The following KRT5 variants were observed in gnomAD, a reference collection of about 807,000 sequenced individuals.
KRT5 encodes keratin 5, also known as keratin, type II cytoskeletal 5.
A neutral mutation model predicts 44.0 loss-of-function variants in KRT5; 17 were observed. That is an observed-to-expected ratio of 0.39 (90% CI 0.26 to 0.58). The LOEUF (loss-of-function observed/expected upper bound fraction) is 0.58, where lower values mean the gene tolerates loss of function less well. Among genes scored for constraint, KRT5 ranks in the 20% least tolerant of loss-of-function variants. KRT5 has a pLI of 0.61. For missense variants in KRT5, 737 were observed against 785.5 expected (o/e 0.94, Z 0.74); for synonymous variants, 329 against 312.8 (o/e 1.05, Z -0.55).
intron 1 of KRT5, 179 bp downstream of exon 1, chr12:52,519,563 T>G: frequency 1.4e-6 from 1 of 736,450 alleles, no homozygotes; most frequent in South Asian, 1.6e-5. Flanking sequence ...AATTCTCCCT[T>G]CCCAGCTGCC....
At chr12:52,516,479 G>A in intron 7 of KRT5, 158 bp downstream of exon 7, 1 of 773,570 alleles carries the variant, frequency 1.3e-6, no homozygotes, top group Non-Finnish European at 2.2e-6. Context: ...GTGAGTTGAG[G>A]TCAGCTATAT....
At chr12:52,516,409 C>T (rs961464023) in intron 7 of KRT5, 5 of 573,132 alleles carry the variant, frequency 8.7e-6, no homozygotes, top group African/African-American at 7.5e-5. Flanking sequence ...CTGAGTTGCT[C>T]AGGTGCTTGG....
Position 52,514,855 on chromosome 12 carries a change from A to G in KRT5, c.*87T>C. 8.4e-7 allele frequency: 1 copy of G among 1,194,376 alleles called. No individual in the cohort carries two copies. Among genetic ancestry groups the G allele is most frequent in the Middle Eastern group, 2.5e-4 (1 of 3,984 alleles). The allele number at this position is 1,194,376 out of a possible 1,614,324, so 74.0% of individuals were successfully genotyped here. On this transcript the variant is annotated 3_prime_UTR_variant, in exon 9 of 9. Transcript: ENST00000252242. ...TCTAGACTACTCTCCAGAAAAGGAT[A>G]AAACATGGCTTGAGCAACTGCCTAG...
At position 52,515,836 on chromosome 12, in the gene KRT5, A is replaced by G. The variant is rs1189019234; in HGVS notation, c.1440-4T>C. 6.2e-7 allele frequency: 1 copy of G among 1,612,710 alleles called. No homozygotes were observed. On this transcript the variant is annotated splice_region_variant and splice_polypyrimidine_tract_variant and intron_variant, in intron 7 of 8. Transcript: ENST00000252242. ...TCCAACTCCTTCTCCACTGAGTCTG[A>G]AAGGGGAAAAATTGAATTAAGGGTT...
Position 52,515,238 on chromosome 12 carries a change from C to T in KRT5, c.1477G>A (p.Val493Ile). Reference protein sequence around the residue: ...GEGVGPVNISVVTSSVSSGYG... With the variant: ...GEGVGPVNISIVTSSVSSGYG... ...CCAGAGGAAACACTGCTTGTGACAA[C>T]AGCTGCAGGGAAAGGAGGGAGGACT... The change falls in exon 9 of 9, where the codon GTT becomes ATT. Residue 493 changes from valine (V) to isoleucine (I), a missense_variant and splice_region_variant. By Grantham distance (29) the Val-to-Ile change is conservative. This residue lies in a region of KRT5 where 344 missense variants were observed against 351.6 expected (regional missense o/e 0.98). Coordinates refer to ENST00000252242, the MANE Select transcript of KRT5 (RefSeq NM_000424.4). The T allele has an allele frequency of 6.2e-7, 1 of 1,606,424 alleles. No homozygotes were observed. The highest frequency in any genetic ancestry group is 8.5e-7 in the Non-Finnish European group (1 of 1,179,942).
Position 52,516,620 on chromosome 12 carries a change from T to C in KRT5, c.1439+17A>G. 1 of 1,613,282 alleles carries C rather than the reference T, an allele frequency of 6.2e-7. No individual in the cohort carries two copies. On this transcript the variant is annotated intron_variant, in intron 7 of 8. Transcript: ENST00000252242. ...TTATCAGCTGAAGGCCATCTTGAGTTCATGCTGTCTACTCACCTGCATTCC... is the reference window on the plus strand; with the variant it reads ...TTATCAGCTGAAGGCCATCTTGAGTCCATGCTGTCTACTCACCTGCATTCC...
Position 52,515,837 on chromosome 12 carries a change from A to T in KRT5, c.1440-5T>A. On this transcript the variant is annotated splice_region_variant and splice_polypyrimidine_tract_variant and intron_variant, in intron 7 of 8. Transcript: ENST00000252242. ...CCAACTCCTTCTCCACTGAGTCTGAAAGGGGAAAAATTGAATTAAGGGTTA... is the reference window on the plus strand; with the variant it reads ...CCAACTCCTTCTCCACTGAGTCTGATAGGGGAAAAATTGAATTAAGGGTTA... The T allele has an allele frequency of 6.2e-7, 1 of 1,612,730 alleles. No homozygotes were observed.
chr12:52,515,095 G>T lies in KRT5; in HGVS notation c.1620C>A (p.Val540=). 6.2e-7 allele frequency: 1 copy of T among 1,604,128 alleles called. No homozygotes were observed. The highest frequency in any genetic ancestry group is 8.5e-7 in the Non-Finnish European group (1 of 1,176,016). The change falls in exon 9 of 9, where the codon GTC becomes GTA. Residue 540 remains valine, a synonymous_variant. Transcript: ENST00000252242. ...GSYYSSSSGG[V]GLGGGLSVGG... Reference sequence around the variant, plus strand: ...CCACACTGAGCCCACCACCTAGGCCGACACCCCCACTGCTGCTGGAGTAGT... The same window carrying T: ...CCACACTGAGCCCACCACCTAGGCCTACACCCCCACTGCTGCTGGAGTAGT...
chr12:52,516,111 C>T (rs765336153), intron 7 of KRT5: 11 of 553,758 alleles, frequency 2.0e-5, no homozygotes, highest in Middle Eastern at 4.7e-4. Context: ...GTGATTATGT[C>T]GAAAGCAGTT....
chr12:52,516,898 G>A (rs1938620773), intron 6 of KRT5, 41 bp from the exon 7 acceptor site: 6 of 1,606,062 alleles, frequency 3.7e-6, no homozygotes, highest in Non-Finnish European at 5.1e-6. Context: ...CTTGGGACCT[G>A]AGGTGTCTCC....
chr12:52,518,909 C>T, intron 2 of KRT5, 37 bp downstream of exon 2: 2 of 1,613,262 alleles, frequency 1.2e-6, no homozygotes, highest in Non-Finnish European at 1.7e-6. Flanking sequence ...CAAGAAGACA[C>T]CACCCTCCCC....
intron 8 of KRT5, 150 bp from the exon 9 acceptor site, chr12:52,515,390 G>A: frequency 8.6e-7 from 1 of 1,156,082 alleles, no homozygotes; most frequent in South Asian, 1.3e-5. Flanking sequence ...ATTTAATTAA[G>A]GTCCCTAAAA....
At position 52,518,715 on chromosome 12, in the gene KRT5, T is replaced by A. The variant is rs577135630; in HGVS notation, c.770+231A>T. Among the ~76,000 whole-genome samples, 20 of 152,340 alleles carry A rather than the reference T, an allele frequency of 1.3e-4. 1 individual carries two copies. The highest frequency in any genetic ancestry group is 3.4e-3 in the Middle Eastern group (1 of 294). On this transcript the variant is annotated intron_variant, in intron 2 of 8. Coordinates refer to ENST00000252242, the MANE Select transcript of KRT5 (RefSeq NM_000424.4). ...GGTAGTGCCAAGGGCACAGAGCATG[T>A]TGCTCTGGCTGTTGACTAAGTTCCT...
rs1472218681 is a variant in KRT5, at chr12:52,515,069, C to G, written c.1646G>C (p.Gly549Ala). ...ACTGCTTGCACTGAAGCCAGAGCCC[C>G]CCACACTGAGCCCACCACCTAGGCC... Reference protein sequence around the residue: ...GVGLGGGLSVGGSGFSASSGR... With the variant: ...GVGLGGGLSVAGSGFSASSGR... The change falls in exon 9 of 9, where the codon GGG (glycine) becomes GCG (alanine). Residue 549 changes from glycine (G) to alanine (A), a missense_variant. Transcript: ENST00000252242. The G allele has an allele frequency of 4.3e-6, 7 of 1,612,800 alleles. No homozygotes were observed. The highest frequency in any genetic ancestry group is 5.9e-6 in the Non-Finnish European group (7 of 1,179,494).
rs565375836 is a variant in KRT5 at position 52,516,648 on chromosome 12, G to A, written c.1428C>T (p.Gly476=). 8.7e-6 allele frequency: 14 copies of A among 1,613,938 alleles called. No individual in the cohort carries two copies. Among genetic ancestry groups the A allele is most frequent in the African/African-American group, 4.0e-5 (3 of 74,886 alleles). ...EIATYRKLLE[G]EECRLSGEGV... ...TGCTGTCTACTCACCTGCATTCCTC[G>A]CCCTCCAGCAGCTTGCGGTAAGTGG... The change falls in exon 7 of 9, where the codon GGC becomes GGT. Residue 476 remains glycine (G), a synonymous_variant. Coordinates refer to ENST00000252242, the MANE Select transcript of KRT5 (RefSeq NM_000424.4).
Position 52,514,838 on chromosome 12 carries a change from A to T in KRT5, c.*104T>A. 2 of 1,013,322 alleles carry T rather than the reference A, an allele frequency of 2.0e-6. No individual in the cohort carries two copies. The highest frequency in any genetic ancestry group is 1.4e-5 in the South Asian group (1 of 72,118). 62.8% of individuals were successfully genotyped at this position (1,013,322 alleles called of 1,614,324 possible). A position where few individuals can be genotyped will look rare whatever the true frequency, so the allele number is the denominator to read the frequency against. On this transcript the variant is annotated 3_prime_UTR_variant, in exon 9 of 9. Coordinates refer to ENST00000252242, the MANE Select transcript of KRT5 (RefSeq NM_000424.4). ...TTCTGCAATTGGCTTGGTCTAGACT[A>T]CTCTCCAGAAAAGGATAAAACATGG...
At chr12:52,516,946 A>G (rs1938621331) in intron 6 of KRT5, 89 bp from the exon 7 acceptor site, 4 of 1,544,860 alleles carry the variant, frequency 2.6e-6, no homozygotes, top group Non-Finnish European at 3.6e-6. Flanking sequence ...AACTATCATG[A>G]ATCCCAGAGA....
At chr12:52,515,702 G>T (rs1396726271) in intron 8 of KRT5, 96 bp downstream of exon 8, 3 of 990,022 alleles carry the variant, frequency 3.0e-6, no homozygotes, top group East Asian at 2.4e-5. Flanking sequence ...ATGCTGGGAT[G>T]GGAAAAGTTT....
Position 52,517,936 on chromosome 12 carries a change from C to G in KRT5, c.888G>C (p.Leu296=). The G allele has an allele frequency of 6.2e-7, 1 of 1,614,262 alleles. No individual in the cohort carries two copies. The highest frequency in any genetic ancestry group is 8.5e-7 in the Non-Finnish European group (1 of 1,180,034). Residue 296 remains leucine, a synonymous_variant, in exon 4 of 9, where the codon CTG becomes CTC. Coordinates refer to ENST00000252242, the MANE Select transcript of KRT5 (RefSeq NM_000424.4). ...KVELEAKVDA[L]MDEINFMKMF... is the part of the protein sequence containing the mutation. ...TCTTCATGAAGTTAATCTCATCCAT[C>G]AGTGCATCAACCTTGGCCTCCAGCT... is the stretch of plus-strand genomic sequence containing the variant.
Sources: gnomAD v4.1 joint callset for allele counts (sites outside exome capture counted in the v4.1 genomes callset) on GRCh38, gnomAD v4.1.1 for gene constraint, gnomAD v4.1.1 regional missense constraint, MANE v1.5 for transcripts, NCBI Gene and HGNC (gene_info 2026-07-23, HGNC 2026-07-21) for gene names.